The following CFAP44 variants were observed in gnomAD, a reference collection of about 807,000 sequenced individuals.
The protein encoded by CFAP44 is cilia and flagella associated protein 44, also known as cilia- and flagella-associated protein 44.
In CFAP44, 134 loss-of-function variants were observed where a neutral mutation model predicts 216.2. The observed-to-expected ratio is 0.62, with a 90% CI of 0.54 to 0.72. The LOEUF (loss-of-function observed/expected upper bound fraction) is 0.72, where lower values mean the gene tolerates loss of function less well. Ranked by LOEUF, CFAP44 falls within the 30% of genes least tolerant of loss-of-function variation. CFAP44 has a pLI of 0.00. For synonymous variants in CFAP44, 700 were observed against 727.6 expected (o/e 0.96, Z 0.61); for missense variants, 2,035 against 2,182.1 (o/e 0.93, Z 1.34).
At chr3:113,328,674 T>C (rs900889103) in intron 26 of CFAP44, among the ~76,000 whole-genome samples, 3 of 86,788 alleles carry the variant, frequency 3.5e-5, no homozygotes, top group African/African-American at 1.3e-4. Flanking sequence ...GCAGTGAAAC[T>C]ACCAGAGAAA....
chr3:113,433,301 C>A (rs1279557248), intron 2 of CFAP44, among the ~76,000 whole-genome samples: 7 of 151,564 alleles, frequency 4.6e-5, no homozygotes, highest in Admixed American at 6.6e-5. Flanking sequence ...TGGTAGCAGG[C>A]ACCTGTAATC....
chr3:113,413,218 AT>A (rs961482033), intron 6 of CFAP44, among the ~76,000 whole-genome samples: 4 of 149,456 alleles, frequency 2.7e-5, no homozygotes, highest in African/African-American at 7.3e-5. Context: ...TTTTGATGGA[AT>A]TTTTTTTTCT....
intron 13 of CFAP44, among the ~76,000 whole-genome samples, chr3:113,398,730 CA>C (rs932306164): frequency 6.6e-5 from 10 of 152,148 alleles, no homozygotes; most frequent in African/African-American, 2.4e-4. Context: ...CAATTATATC[CA>C]AATTTACTTT....
intron 28 of CFAP44, among the ~76,000 whole-genome samples, chr3:113,318,659 C>T (rs1196339017): frequency 1.3e-5 from 2 of 152,098 alleles, no homozygotes; most frequent in Non-Finnish European, 2.9e-5. Context: ...AGAAAAAAAT[C>T]TTAAAGGCAG....
intron 15 of CFAP44, among the ~76,000 whole-genome samples, chr3:113,395,520 T>C (rs1260858474): frequency 1.3e-5 from 2 of 152,114 alleles, no homozygotes; most frequent in Non-Finnish European, 2.9e-5. Flanking sequence ...GGTCAACTAA[T>C]AAGCCCACGG....
rs1167913932 is a variant in CFAP44, at chr3:113,344,843, C to CAT, written c.3066-133_3066-132dup. 10 of 779,754 alleles carry CAT rather than the reference C, an allele frequency of 1.3e-5. No individual in the cohort carries two copies. The East Asian group carries it at 2.8e-4, about 22-fold the overall frequency. The allele number at this position is 779,754 out of a possible 1,614,324, so 48.3% of individuals were successfully genotyped here. ...ATATTGTGCTAGACTCAAATTTTAA[C>CAT]ATATATATACCAACCAGGATGTCAT... On this transcript the variant is annotated intron_variant, in intron 22 of 34. Coordinates refer to ENST00000393845, the MANE Select transcript of CFAP44 (RefSeq NM_001164496.2).
chr3:113,339,837 C>G (rs1015500657), intron 24 of CFAP44, among the ~76,000 whole-genome samples: 2 of 152,244 alleles, frequency 1.3e-5, no homozygotes, highest in Admixed American at 6.5e-5. Context: ...CTAGGGGGAG[C>G]CCTCTCACTT....
rs551523158 is a variant in CFAP44 at position 113,381,941 on chromosome 3, G to C, written c.1891-881C>G. Reference sequence around the variant, plus strand: ...TGCAGAGGTGTCATAAGAACAAGTAGGTTGTATAAAGCTTTCAGAGAAAGT... The same window carrying C: ...TGCAGAGGTGTCATAAGAACAAGTACGTTGTATAAAGCTTTCAGAGAAAGT... On this transcript the variant is annotated intron_variant, in intron 15 of 34. Coordinates refer to ENST00000393845, the MANE Select transcript of CFAP44 (RefSeq NM_001164496.2). 2.0e-5 allele frequency among the ~76,000 whole-genome samples: 3 copies of C among 152,320 alleles called. No homozygotes were observed. In the East Asian group the frequency reaches 5.8e-4, roughly 29 times the overall value.
intron 4 of CFAP44, among the ~76,000 whole-genome samples, chr3:113,423,105 CTTTTTTTTTTTTTTT>C (rs72395986): frequency 1.3e-5 from 1 of 79,158 alleles, no homozygotes; most frequent in Non-Finnish European, 2.3e-5. Flanking sequence ...CTGATCCTTC[CTTTTTTTTTTTTTTT>C]TTTTTTTTTT....
intron 22 of CFAP44, among the ~76,000 whole-genome samples, chr3:113,349,435 A>T (rs1035373960): frequency 6.6e-6 from 1 of 152,222 alleles, no homozygotes; most frequent in African/African-American, 2.4e-5. Context: ...GCGAGATCAG[A>T]GAAAGGCCGC....
At position 113,290,194 on chromosome 3, in the gene CFAP44, A is replaced by G. The variant is rs1403084063; in HGVS notation, c.*1363T>C. The G allele has an allele frequency of 6.6e-6, 1 of 152,240 alleles. No homozygotes were observed. Among genetic ancestry groups the G allele is most frequent in the Non-Finnish European group, 1.5e-5 (1 of 68,042 alleles). 9.4% of individuals were successfully genotyped at this position (152,240 alleles called of 1,614,324 possible). A position where few individuals can be genotyped will look rare whatever the true frequency, so the allele number is the denominator to read the frequency against. On this transcript the variant is annotated 3_prime_UTR_variant, in exon 35 of 35. Coordinates refer to ENST00000393845, the MANE Select transcript of CFAP44 (RefSeq NM_001164496.2). ...ATACAACACAGAAAGTGATTTAAAA[A>G]AAAAAGTGGGTGCTCTCCAGTAGAG...
intron 1 of CFAP44, among the ~76,000 whole-genome samples, chr3:113,441,173 T>C (rs1935353505): frequency 6.6e-6 from 1 of 152,222 alleles, no homozygotes; most frequent in Non-Finnish European, 1.5e-5. Flanking sequence ...GACTCGCTGC[T>C]GCTCTGACTT....
intron 16 of CFAP44, 31 bp downstream of exon 16, chr3:113,380,868 T>C (rs745734842): frequency 1.9e-5 from 28 of 1,492,880 alleles, no homozygotes; most frequent in Non-Finnish European, 2.4e-5. Flanking sequence ...AGGAAATTAT[T>C]ATAAGATAAT....
intron 22 of CFAP44, among the ~76,000 whole-genome samples, chr3:113,348,318 C>T (rs551500338): frequency 1.3e-5 from 2 of 152,268 alleles, no homozygotes; most frequent in Admixed American, 1.3e-4. Flanking sequence ...ATTTGACCCA[C>T]AAACCCTGAA....
chr3:113,306,553 G>A (rs1486914233), intron 29 of CFAP44, among the ~76,000 whole-genome samples: 1 of 152,160 alleles, frequency 6.6e-6, no homozygotes, highest in Non-Finnish European at 1.5e-5. Flanking sequence ...GTACTCTGAA[G>A]CAGGCTTTGT....
At chr3:113,352,599 A>G (rs764171667) in intron 22 of CFAP44, among the ~76,000 whole-genome samples, 3 of 152,248 alleles carry the variant, frequency 2.0e-5, no homozygotes, top group Non-Finnish European at 4.4e-5. Context: ...AGAGCAGGAG[A>G]AACCATTTAC....
intron 34 of CFAP44, among the ~76,000 whole-genome samples, chr3:113,293,483 C>A (rs775215): frequency 1.3e-5 from 2 of 152,126 alleles, no homozygotes; most frequent in African/African-American, 4.8e-5. Context: ...TACATGTAAA[C>A]ATATACTGTG....
intron 6 of CFAP44, among the ~76,000 whole-genome samples, chr3:113,416,087 T>G (rs1934637861): frequency 6.6e-6 from 1 of 152,190 alleles, no homozygotes; most frequent in Non-Finnish European, 1.5e-5. Flanking sequence ...CTTCTTGAAT[T>G]GTTCCTGTTA....
At chr3:113,416,716 C>G in intron 5 of CFAP44, 89 bp from the exon 6 acceptor site, 1 of 933,482 alleles carries the variant, frequency 1.1e-6, no homozygotes, top group East Asian at 2.8e-5. Flanking sequence ...TCCATTATTT[C>G]ATAATTTATT....
Sources: gnomAD v4.1 joint callset for allele counts (sites outside exome capture counted in the v4.1 genomes callset) on GRCh38, gnomAD v4.1.1 for gene constraint, MANE v1.5 for transcripts, NCBI Gene and HGNC (gene_info 2026-07-23, HGNC 2026-07-21) for gene names.